APC: variants seen among roughly 807,000 people sequenced by gnomAD.
The protein encoded by APC is adenomatous polyposis coli protein.
In APC, 72 loss-of-function variants were observed where a neutral mutation model predicts 247.0. The observed-to-expected ratio is 0.29, with a 90% CI of 0.24 to 0.35. The LOEUF is 0.35. Ranked by LOEUF, APC falls within the 10% of genes least tolerant of loss-of-function variation. The probability of loss-of-function intolerance (pLI) is 1.00; values close to 1 mark genes in which losing one functional copy is unlikely to be tolerated. For missense variants in APC, 3,400 were observed against 3,360.7 expected (o/e 1.01, Z -0.29); for synonymous variants, 1,254 against 1,162.5 (o/e 1.08, Z -1.60).
intron 1 of APC, among the ~76,000 whole-genome samples, chr5:112,723,173 A>G (rs897056830): frequency 3.5e-4 from 54 of 152,218 alleles, no homozygotes; most frequent in African/African-American, 1.1e-3. Flanking sequence ...AATAAGCATT[A>G]TAGTAGTGAA....
At chr5:112,758,761 G>A (rs547276135) in intron 2 of APC, among the ~76,000 whole-genome samples, 15 of 151,790 alleles carry the variant, frequency 9.9e-5, no homozygotes, top group African/African-American at 1.7e-4. Context: ...CTACCGCCAC[G>A]CCCGGCTAAT....
In APC at chr5:112,843,103, A is replaced by G. The variant is rs1580683429; in HGVS notation, c.7509A>G (p.Gly2503=). The change falls in exon 16 of 16, where the codon GGA becomes GGG. Residue 2503 remains glycine, a synonymous_variant. Transcript: ENST00000257430. The surrounding 1 kb of genome is among the most constrained non-coding windows in gnomAD (Gnocchi z 4.8). ...CACATTCGTCTGTTCAGGCTGGTGG[A>G]TGGCGAAAACTCCCACCTAATCTCA... ...LSTHSSVQAG[G]WRKLPPNLSP... is the part of the protein sequence containing the mutation. 2 of 1,614,022 alleles carry G rather than the reference A, an allele frequency of 1.2e-6. No homozygotes were observed. The highest frequency in any genetic ancestry group is 1.1e-5 in the South Asian group (1 of 91,076).
chr5:112,707,598 C>A lies in APC; in HGVS notation c.-120C>A. On this transcript the variant is annotated 5_prime_UTR_variant, in exon 1 of 14. Coordinates refer to the APC transcript ENST00000507379. ...CTAGCCGCTGCTCGGGGGGGACCTG[C>A]GGGCTCAGGCCCGGGAGCTGCGGAC... 1 of 1,099,420 alleles carries A rather than the reference C, an allele frequency of 9.1e-7. No homozygotes were observed. The highest frequency in any genetic ancestry group is 1.2e-6 in the Non-Finnish European group (1 of 809,428). 68.1% of individuals were successfully genotyped at this position (1,099,420 alleles called of 1,614,324 possible).
rs759317924 is a variant in APC at position 112,839,801 on chromosome 5, A to G, written c.4207A>G (p.Ser1403Gly). The stretch of plus-strand genomic sequence containing the variant: ...TAGTTTTGAGAGTCGTTCGATTGCC[A>G]GCTCCGTTCAGAGTGAACCATGCAG... The part of the protein sequence containing the change: ...LDSFESRSIA[S>G]SVQSEPCSGM... The change falls in exon 16 of 16, where the codon AGC becomes GGC. Residue 1403 changes from serine (S) to glycine (G), a missense_variant. Around this residue, in one of 9 missense-constraint regions of APC, gnomAD observed 40 missense variants for 75.6 expected, o/e 0.53. Coordinates refer to ENST00000257430, the MANE Select transcript of APC (RefSeq NM_000038.6). The surrounding 1 kb of genome is among the most constrained non-coding windows in gnomAD (Gnocchi z 5.0). The G allele has an allele frequency of 5.0e-6, 8 of 1,614,120 alleles. No individual in the cohort carries two copies. Among genetic ancestry groups the G allele is most frequent in the Non-Finnish European group, 6.8e-6 (8 of 1,180,012 alleles).
At chr5:112,711,992 C>T (rs916456886) in intron 1 of APC, among the ~76,000 whole-genome samples, 2 of 152,192 alleles carry the variant, frequency 1.3e-5, no homozygotes, top group African/African-American at 4.8e-5. Context: ...GAATCCTAAG[C>T]TCTAGTTTGA....
chr5:112,797,494 T>C (rs140344083), intron 7 of APC, among the ~76,000 whole-genome samples: 51 of 152,322 alleles, frequency 3.3e-4, no homozygotes, highest in African/African-American at 1.2e-3. Flanking sequence ...GTTTAAGGTC[T>C]AGATGCTGGA....
rs1193314436 is a variant in APC at position 112,845,735 on chromosome 5, TTAAC to T, written c.*1613_*1616del. 4.3e-6 allele frequency: 1 copy of T among 232,020 alleles called. No individual in the cohort carries two copies. Among genetic ancestry groups the T allele is most frequent in the Non-Finnish European group, 8.5e-6 (1 of 117,382 alleles). 14.4% of individuals were successfully genotyped at this position (232,020 alleles called of 1,614,324 possible). On this transcript the variant is annotated 3_prime_UTR_variant, in exon 16 of 16. Transcript: ENST00000257430. ...CTGAAGGAAAATAAACTGACACTTATTAACTAAGATAATTTACTTAATATATCTT... is the reference window on the plus strand; with the variant it reads ...CTGAAGGAAAATAAACTGACACTTATTAAGATAATTTACTTAATATATCTT...
intron 6 of APC, among the ~76,000 whole-genome samples, chr5:112,789,192 A>G (rs1759307122): frequency 6.6e-6 from 1 of 152,252 alleles, no homozygotes; most frequent in Non-Finnish European, 1.5e-5. Context: ...GTTATTAAAT[A>G]TAACTTCACA....
chr5:112,824,545 T>G lies in APC; in HGVS notation c.1408+2554T>G, dbSNP rs191875134. On this transcript the variant is annotated intron_variant, in intron 11 of 15. Coordinates refer to ENST00000257430, the MANE Select transcript of APC (RefSeq NM_000038.6). Reference sequence around the variant, plus strand: ...TATTTTCAGTATCAAATCCTAAGATTTTTAGTTTTTCCATACAAGAGTACT... The same window carrying G: ...TATTTTCAGTATCAAATCCTAAGATGTTTAGTTTTTCCATACAAGAGTACT... 7.8e-4 allele frequency among the ~76,000 whole-genome samples: 119 copies of G among 152,290 alleles called. 1 individual carries two copies. The highest frequency in any genetic ancestry group is 2.8e-3 in the African/African-American group (115 of 41,578).
intron 2 of APC, among the ~76,000 whole-genome samples, chr5:112,761,103 C>A (rs533664618): frequency 6.6e-6 from 1 of 152,166 alleles, no homozygotes; most frequent in South Asian, 2.1e-4. Context: ...GCCACCACCC[C>A]CAGCGGGTCC....
intron 1 of APC, 116 bp downstream of exon 1, chr5:112,738,041 G>C: frequency 7.4e-6 from 5 of 680,034 alleles, no homozygotes; most frequent in Non-Finnish European, 9.1e-6. Context: ...ACTGCAGCAT[G>C]CCAAACGAGG....
chr5:112,844,765 C>CA lies in APC; in HGVS notation c.*643dup, dbSNP rs1766849716. ...AATTTACACTATTTTGTGCTCCAAA[C>CA]AAAACAAAAATCTGTGTAACTGTAA... On this transcript the variant is annotated 3_prime_UTR_variant, in exon 16 of 16. Transcript: ENST00000257430. The CA allele has an allele frequency of 3.5e-5, 8 of 231,648 alleles. No individual in the cohort carries two copies. The highest frequency in any genetic ancestry group is 1.8e-4 in the African/African-American group (8 of 45,234). The allele number at this position is 231,648 out of a possible 1,614,324, so 14.3% of individuals were successfully genotyped here.
At chr5:112,711,708 G>A (rs1750858713) in intron 1 of APC, among the ~76,000 whole-genome samples, 1 of 152,112 alleles carries the variant, frequency 6.6e-6, no homozygotes, top group South Asian at 2.1e-4. Flanking sequence ...GTGACAGAAC[G>A]AGACCCCATC....
In APC at chr5:112,818,968, G is replaced by A. The variant is rs766950362; in HGVS notation, c.936G>A (p.Val312=). The change falls in exon 10 of 16, where the codon GTG becomes GTA. Residue 312 remains valine (V), a splice_region_variant and synonymous_variant. Transcript: ENST00000257430. ...RRLTSHLGTK[V]EMVYSLLSML... ...TTCTAAACTCATTTGGCCCACAGGT[G>A]GAAATGGTGTATTCATTGTTGTCAA... is the stretch of plus-strand genomic sequence containing the variant. 7 of 1,613,672 alleles carry A rather than the reference G, an allele frequency of 4.3e-6. No individual in the cohort carries two copies. The highest frequency in any genetic ancestry group is 5.1e-6 in the Non-Finnish European group (6 of 1,179,880).
Position 112,839,375 on chromosome 5 carries a change from A to G in APC, c.3781A>G (p.Thr1261Ala), listed in dbSNP as rs199792739. 6.2e-7 allele frequency: 1 copy of G among 1,613,974 alleles called. No individual in the cohort carries two copies. Among genetic ancestry groups the G allele is most frequent in the Non-Finnish European group, 8.5e-7 (1 of 1,179,906 alleles). Residue 1261 changes from threonine to alanine, a missense_variant, in exon 16 of 16, where the codon ACT (threonine) becomes GCT (alanine). Around this residue, in one of 9 missense-constraint regions of APC, gnomAD observed 715 missense variants for 656.6 expected, o/e 1.09. Transcript: ENST00000257430. This position sits in a 1 kb window ranked among gnomAD's most constrained non-coding sequence, Gnocchi z 5.0. ...VSSINQETIQ[T>A]YCVEDTPICF... ...TTCTATTAACCAAGAAACAATACAG[A>G]CTTATTGTGTAGAAGATACTCCAAT...
chr5:112,727,960 A>AG (rs901645189), intron 1 of APC, among the ~76,000 whole-genome samples: 8 of 152,092 alleles, frequency 5.3e-5, no homozygotes, highest in African/African-American at 1.9e-4. Flanking sequence ...AAAAAAAAAA[A>AG]TCAGAATTTT....
At position 112,838,051 on chromosome 5, in the gene APC, G is replaced by C. The variant is rs1765187507; in HGVS notation, c.2457G>C (p.Met819Ile). 1 of 1,614,104 alleles carries C rather than the reference G, an allele frequency of 6.2e-7. No individual in the cohort carries two copies. The highest frequency in any genetic ancestry group is 1.1e-5 in the South Asian group (1 of 91,052). Residue 819 changes from methionine (M) to isoleucine (I), a missense_variant, in exon 16 of 16, where the codon ATG (methionine) becomes ATC (isoleucine). Physicochemically the swap from Met to Ile is conservative, Grantham distance 10 (BLOSUM62 1). Transcript: ENST00000257430. ...NRSDNFNTGN[M>I]TVLSPYLNTT... ...CAGACAATTTTAATACTGGCAACAT[G>C]ACTGTCCTTTCACCATATTTGAATA...
At chr5:112,744,646 A>T (rs371987860) in intron 1 of APC, among the ~76,000 whole-genome samples, 2 of 152,210 alleles carry the variant, frequency 1.3e-5, no homozygotes, top group Non-Finnish European at 2.9e-5. Context: ...TTATAACAGC[A>T]GAGGAAAAAA....
chr5:112,808,374 CCTT>C (rs973186307), intron 8 of APC, among the ~76,000 whole-genome samples: 5 of 152,030 alleles, frequency 3.3e-5, no homozygotes, highest in African/African-American at 1.2e-4. Flanking sequence ...TCTGTATGTT[CCTT>C]CTTTTTGTTT....
Sources: gnomAD v4.1 joint callset for allele counts (sites outside exome capture counted in the v4.1 genomes callset) on GRCh38, gnomAD v4.1.1 for gene constraint, gnomAD v4.1.1 regional missense constraint, Gnocchi (gnomAD v3.1) non-coding constraint, MANE v1.5 for transcripts, NCBI Gene and HGNC (gene_info 2026-07-23, HGNC 2026-07-21) for gene names.